CTNNA2: variants seen among roughly 807,000 people sequenced by gnomAD.
CTNNA2 encodes catenin alpha-2.
CTNNA2 carries 42 observed loss-of-function variants against 101.0 expected under a neutral mutation model. The ratio of observed to expected loss-of-function variants is 0.42; its 90% CI spans 0.32 to 0.54. CTNNA2 has a LOEUF of 0.54. CTNNA2 is among the 20% of genes least tolerant of loss of function. The probability of loss-of-function intolerance (pLI) is 0.14; values close to 1 mark genes in which losing one functional copy is unlikely to be tolerated. For missense variants in CTNNA2, 871 were observed against 1,223.1 expected, an observed-to-expected ratio of 0.71 and a Z score of 4.29; for synonymous variants, 450 against 456.4, an observed-to-expected ratio of 0.99 and a Z score of 0.18.
intron 2 of CTNNA2, among the ~76,000 whole-genome samples, chr2:79,218,516 A>T (rs79862177): frequency 0.018 from 2,784 of 152,200 alleles, 133 homozygotes; most frequent in East Asian, 0.16. Flanking sequence ...TGAAAAAAGA[A>T]TGTTTGTGAG....
chr2:79,604,976 A>G (rs560943771), intron 1 of CTNNA2, among the ~76,000 whole-genome samples: 1 of 152,346 alleles, frequency 6.6e-6, no homozygotes, highest in East Asian at 1.9e-4. Context: ...TCTGGCATCC[A>G]ATCACAAATT....
intron 3 of CTNNA2, among the ~76,000 whole-genome samples, chr2:79,747,955 G>A (rs1430901169): frequency 1.3e-5 from 2 of 152,164 alleles, no homozygotes; most frequent in African/African-American, 4.8e-5. Flanking sequence ...CAAAAAATGG[G>A]TAAAAGCATT....
chr2:79,959,036 C>T (rs985766896), intron 7 of CTNNA2, among the ~76,000 whole-genome samples: 3 of 150,062 alleles, frequency 2.0e-5, no homozygotes, highest in Non-Finnish European at 4.4e-5. Context: ...GTATCTTACT[C>T]GACTGTAGCT....
chr2:79,485,447 T>C (rs1276875163), intron 4 of CTNNA2, among the ~76,000 whole-genome samples: 1 of 152,232 alleles, frequency 6.6e-6, no homozygotes, highest in East Asian at 1.9e-4. Context: ...GAAATTTATT[T>C]TGGGACAATC....
intron 7 of CTNNA2, among the ~76,000 whole-genome samples, chr2:80,262,845 C>T (rs1050416466): frequency 6.6e-6 from 1 of 152,000 alleles, no homozygotes; most frequent in African/African-American, 2.4e-5. Context: ...TTCTTAAGAA[C>T]TAAAAATCAG....
intron 9 of CTNNA2, among the ~76,000 whole-genome samples, chr2:80,524,008 C>A (rs1402178539): frequency 6.6e-6 from 1 of 152,044 alleles, no homozygotes; most frequent in Non-Finnish European, 1.5e-5. Flanking sequence ...AGACTTTTTG[C>A]TCTTGGCGCT....
At chr2:80,157,611 T>C (rs549446705) in intron 7 of CTNNA2, among the ~76,000 whole-genome samples, 1 of 152,212 alleles carries the variant, frequency 6.6e-6, no homozygotes, top group South Asian at 2.1e-4. Context: ...TTTTCTCAGC[T>C]GTTCTGGTGC....
intron 2 of CTNNA2, among the ~76,000 whole-genome samples, chr2:79,679,627 C>G (rs919785594): frequency 2.6e-5 from 4 of 152,062 alleles, no homozygotes; most frequent in Admixed American, 6.6e-5. Context: ...GCAGCTGACA[C>G]CGCCCAGGGG....
At chr2:79,296,457 C>T (rs1328907267) in intron 2 of CTNNA2, among the ~76,000 whole-genome samples, 1 of 152,136 alleles carries the variant, frequency 6.6e-6, no homozygotes, top group Admixed American at 6.5e-5. Flanking sequence ...GTGGCTTTTT[C>T]TTATAAAGCA....
In CTNNA2 at chr2:79,287,570, G is replaced by T. The variant is rs573561740; in HGVS notation, c.-405-25139G>T. 1.5e-4 allele frequency among the ~76,000 whole-genome samples: 22 copies of T among 148,936 alleles called. No individual in the cohort carries two copies. The East Asian group carries it at 4.3e-3, about 29-fold the overall frequency. On this transcript the variant is annotated intron_variant, in intron 2 of 21. Transcript: ENST00000466387. ...GTGCCTCCCAGTTAGGCTGCTCAGG[G>T]GTCAGGGACCCACTTGAGGAGGCAG...
At chr2:80,317,128 C>A (rs1348228698) in intron 7 of CTNNA2, among the ~76,000 whole-genome samples, 1 of 152,112 alleles carries the variant, frequency 6.6e-6, no homozygotes, top group Non-Finnish European at 1.5e-5. Flanking sequence ...GTCCAAGAGA[C>A]TGTAAAATGG....
chr2:79,357,116 C>T (rs142446843), intron 3 of CTNNA2, among the ~76,000 whole-genome samples: 1 of 152,092 alleles, frequency 6.6e-6, no homozygotes, highest in African/African-American at 2.4e-5. Flanking sequence ...CATTTGAGCC[C>T]AGGAGTTTGA....
At chr2:79,984,926 T>C (rs1691656836) in intron 7 of CTNNA2, among the ~76,000 whole-genome samples, 1 of 152,214 alleles carries the variant, frequency 6.6e-6, no homozygotes, top group African/African-American at 2.4e-5. Flanking sequence ...AAATTGCCTG[T>C]TTTTCTCAAT....
At chr2:80,056,133 C>G (rs1464441365) in intron 7 of CTNNA2, among the ~76,000 whole-genome samples, 1 of 152,166 alleles carries the variant, frequency 6.6e-6, no homozygotes, top group Non-Finnish European at 1.5e-5. Flanking sequence ...TGTACAGCTT[C>G]AAGATGGAGC....
At chr2:79,963,508 C>A (rs1005741288) in intron 7 of CTNNA2, among the ~76,000 whole-genome samples, 12 of 152,192 alleles carry the variant, frequency 7.9e-5, no homozygotes, top group Non-Finnish European at 1.8e-4. Context: ...ACACTGCATT[C>A]CAGATAGCCC....
intron 14 of CTNNA2, among the ~76,000 whole-genome samples, chr2:80,583,204 A>C (rs1573358358): frequency 6.6e-6 from 1 of 152,204 alleles, no homozygotes. Flanking sequence ...ATTACTTAAT[A>C]TTTGTAAAAT....
intron 9 of CTNNA2, among the ~76,000 whole-genome samples, chr2:80,484,515 A>G (rs1265816472): frequency 6.6e-6 from 1 of 152,194 alleles, no homozygotes. Flanking sequence ...TGCATATGGA[A>G]CAGGAAATAG....
intron 7 of CTNNA2, among the ~76,000 whole-genome samples, chr2:80,339,692 T>G (rs1277450650): frequency 6.6e-6 from 1 of 152,208 alleles, no homozygotes; most frequent in Admixed American, 6.5e-5. Context: ...TAAGGCAACC[T>G]GTCTTCATGG....
At chr2:80,128,938 T>C (rs974059493) in intron 7 of CTNNA2, among the ~76,000 whole-genome samples, 3 of 152,190 alleles carry the variant, frequency 2.0e-5, no homozygotes, top group African/African-American at 7.2e-5. Flanking sequence ...ATAGATGTGC[T>C]AGCCTCTTCT....
Sources: gnomAD v4.1 joint callset for allele counts (sites outside exome capture counted in the v4.1 genomes callset) on GRCh38, gnomAD v4.1.1 for gene constraint, MANE v1.5 for transcripts, NCBI Gene and HGNC (gene_info 2026-07-23, HGNC 2026-07-21) for gene names.